The following CLTCL1 variants were observed in gnomAD, a reference collection of about 807,000 sequenced individuals.
CLTCL1 encodes clathrin heavy chain 2.
In CLTCL1, 159 loss-of-function variants were observed where a neutral mutation model predicts 190.0. The ratio of observed to expected loss-of-function variants is 0.84; its 90% CI spans 0.74 to 0.95. The LOEUF (loss-of-function observed/expected upper bound fraction) is 0.95. Ranked by LOEUF, CLTCL1 falls within the 40% of genes least tolerant of loss-of-function variation. The pLI is 0.00. For synonymous variants in CLTCL1, 752 were observed against 769.6 expected, an observed-to-expected ratio of 0.98 and a Z score of 0.38; for missense variants, 1,878 against 2,033.4, an observed-to-expected ratio of 0.92 and a Z score of 1.47.
chr22:19,229,793 G>A, intron 11 of CLTCL1, 45 bp downstream of exon 11: 1 of 1,546,366 alleles, frequency 6.5e-7, no homozygotes, highest in South Asian at 1.2e-5. Flanking sequence ...CCAGAGAGGT[G>A]CCACAGGTGC....
chr22:19,179,916 G>C lies in CLTCL1; in HGVS notation c.*74C>G. Reference sequence around the variant, plus strand: ...GTACATTGGAGGCTGGCGAAGTTGGGAGCAGAGGCATATCCATAGGGGAAG... The same window carrying C: ...GTACATTGGAGGCTGGCGAAGTTGGCAGCAGAGGCATATCCATAGGGGAAG... On this transcript the variant is annotated 3_prime_UTR_variant, in exon 33 of 33. Coordinates refer to ENST00000427926, the MANE Select transcript of CLTCL1 (RefSeq NM_007098.4). The C allele has an allele frequency of 2.0e-6, 1 of 487,870 alleles. No homozygotes were observed. The highest frequency in any genetic ancestry group is 3.7e-6 in the Non-Finnish European group (1 of 270,842). 30.2% of individuals were successfully genotyped at this position (487,870 alleles called of 1,614,324 possible).
At chr22:19,278,471 A>G (rs2087593751) in intron 1 of CLTCL1, among the ~76,000 whole-genome samples, 1 of 152,182 alleles carries the variant, frequency 6.6e-6, no homozygotes, top group Admixed American at 6.5e-5. Flanking sequence ...GCCCATGAAG[A>G]TGGACATAAT....
rs1292698788 is a variant in CLTCL1 at position 19,210,483 on chromosome 22, G to C, written c.3092C>G (p.Thr1031Ser). Residue 1031 changes from threonine (T) to serine (S), a missense_variant, in exon 20 of 33, where the codon ACT (threonine) becomes AGT (serine). By Grantham distance (58) the Thr-to-Ser change is moderately conservative. Coordinates refer to ENST00000427926, the MANE Select transcript of CLTCL1 (RefSeq NM_007098.4). ...HRNLQNLLIL[T>S]AIKADRTRVM... ...CCGTGTGCGGTCTGCCTTGATGGCAGTCAGGATCAACAGATTCTGTAGATT... is the reference window on the plus strand; with the variant it reads ...CCGTGTGCGGTCTGCCTTGATGGCACTCAGGATCAACAGATTCTGTAGATT... 5.0e-6 allele frequency: 8 copies of C among 1,613,806 alleles called. No homozygotes were observed. Among genetic ancestry groups the C allele is most frequent in the Non-Finnish European group, 6.8e-6 (8 of 1,179,870 alleles).
At chr22:19,191,111 A>G (rs1317402064) in intron 27 of CLTCL1, among the ~76,000 whole-genome samples, 193 bp downstream of exon 27, 1 of 152,242 alleles carries the variant, frequency 6.6e-6, no homozygotes, top group Non-Finnish European at 1.5e-5. Flanking sequence ...ACAGAATTTG[A>G]GAAGCACAAT....
intron 24 of CLTCL1, among the ~76,000 whole-genome samples, chr22:19,197,312 C>G (rs1174634548): frequency 6.6e-6 from 1 of 152,104 alleles, no homozygotes; most frequent in Non-Finnish European, 1.5e-5. Context: ...CCTCCACTCT[C>G]AGACTAACCT....
At position 19,275,697 on chromosome 22, in the gene CLTCL1, A is replaced by T. The variant is rs1555982875; in HGVS notation, c.176T>A (p.Met59Lys). ...QVTIIDMSDP[M>K]APIRRPISAE... Reference sequence around the variant, plus strand: ...AGAGATAGGCCGTCGGATCGGAGCCATTGGGTCACTCATGTCAATGATCGT... The same window carrying T: ...AGAGATAGGCCGTCGGATCGGAGCCTTTGGGTCACTCATGTCAATGATCGT... Residue 59 changes from methionine to lysine, a missense_variant, in exon 2 of 33, where the codon ATG becomes AAG. Coordinates refer to ENST00000427926, the MANE Select transcript of CLTCL1 (RefSeq NM_007098.4). 6.2e-7 allele frequency: 1 copy of T among 1,607,002 alleles called. No individual in the cohort carries two copies. The highest frequency in any genetic ancestry group is 1.1e-5 in the South Asian group (1 of 89,394).
At chr22:19,219,142 G>A (rs1390744541) in intron 18 of CLTCL1, among the ~76,000 whole-genome samples, 5 of 151,764 alleles carry the variant, frequency 3.3e-5, no homozygotes, top group Non-Finnish European at 2.9e-5. Context: ...GAGAAGGTTC[G>A]TAAGGACTAA....
At chr22:19,263,699 G>A (rs546648886) in intron 2 of CLTCL1, among the ~76,000 whole-genome samples, 5 of 152,254 alleles carry the variant, frequency 3.3e-5, no homozygotes, top group Admixed American at 6.5e-5. Flanking sequence ...GATTATAGGC[G>A]TGAGCCACTG....
rs574574544 is a variant in CLTCL1 at position 19,189,630 on chromosome 22, C to T, written c.4324-1539G>A. On this transcript the variant is annotated intron_variant, in intron 27 of 32. Coordinates refer to ENST00000427926, the MANE Select transcript of CLTCL1 (RefSeq NM_007098.4). ...TCTAATTCTAGTTCTCCTGCTGTTTCCCCCACATCTGCAGTGACTTTCTCC... is the reference window on the plus strand; with the variant it reads ...TCTAATTCTAGTTCTCCTGCTGTTTTCCCCACATCTGCAGTGACTTTCTCC... 3.3e-5 allele frequency among the ~76,000 whole-genome samples: 5 copies of T among 152,322 alleles called. No homozygotes were observed. In the East Asian group the frequency reaches 5.8e-4, roughly 18 times the overall value.
intron 1 of CLTCL1, among the ~76,000 whole-genome samples, chr22:19,282,328 C>CAA (rs1167712206): frequency 1.5e-5 from 2 of 133,168 alleles, no homozygotes; most frequent in Non-Finnish European, 1.6e-5. Flanking sequence ...GACTCCGTCT[C>CAA]AAAAAAAAAA....
chr22:19,193,150 T>C (rs766790759), intron 26 of CLTCL1, among the ~76,000 whole-genome samples: 16 of 152,224 alleles, frequency 1.1e-4, no homozygotes, highest in Non-Finnish European at 1.5e-4. Context: ...TCAGAGACTC[T>C]TGCAGGTATC....
intron 3 of CLTCL1, among the ~76,000 whole-genome samples, chr22:19,253,048 T>C (rs908132864): frequency 6.7e-6 from 1 of 149,880 alleles, no homozygotes; most frequent in African/African-American, 2.4e-5. Flanking sequence ...GACAAAAAGA[T>C]ACTGCTTTCA....
chr22:19,258,315 C>G, intron 2 of CLTCL1: 2 of 393,684 alleles, frequency 5.1e-6, no homozygotes, highest in South Asian at 4.4e-5. Flanking sequence ...CCTAGAGAAG[C>G]TGGACAGGTA....
intron 1 of CLTCL1, among the ~76,000 whole-genome samples, chr22:19,285,546 G>A (rs1169087707): frequency 6.6e-6 from 1 of 152,162 alleles, no homozygotes; most frequent in African/African-American, 2.4e-5. Flanking sequence ...TCAACTAGCT[G>A]GATTCTGGCC....
At chr22:19,184,516 G>A (rs1391166157) in intron 29 of CLTCL1, 3 of 455,940 alleles carry the variant, frequency 6.6e-6, no homozygotes, top group Non-Finnish European at 1.3e-5. Context: ...ATCGATCGCT[G>A]CCTCCTGACC....
chr22:19,237,254 C>A (rs1195778583), intron 5 of CLTCL1, among the ~76,000 whole-genome samples: 1 of 151,996 alleles, frequency 6.6e-6, no homozygotes, highest in Non-Finnish European at 1.5e-5. Flanking sequence ...GCAGGAAGAT[C>A]GCTCGAGGCC....
chr22:19,187,020 C>T (rs1555928645), intron 29 of CLTCL1, among the ~76,000 whole-genome samples: 1 of 151,154 alleles, frequency 6.6e-6, no homozygotes, highest in African/African-American at 2.4e-5. Context: ...CAGCCTCTGA[C>T]TCCTGAGCTC....
rs573203884 is a variant in CLTCL1 at position 19,183,381 on chromosome 22, G to A, written c.4827+9C>T. Reference sequence around the variant, plus strand: ...GGGGCCGGGGAGCTGCAGCCGGCCCGGCACCTACCTTGCTCAGGTACTCCC... The same window carrying A: ...GGGGCCGGGGAGCTGCAGCCGGCCCAGCACCTACCTTGCTCAGGTACTCCC... On this transcript the variant is annotated intron_variant, in intron 30 of 32. Coordinates refer to ENST00000427926, the MANE Select transcript of CLTCL1 (RefSeq NM_007098.4). 169 of 1,611,186 alleles carry A rather than the reference G, an allele frequency of 1.0e-4. 1 individual carries two copies. The highest frequency in any genetic ancestry group is 7.5e-4 in the South Asian group (68 of 90,816).
chr22:19,221,851 G>T, intron 16 of CLTCL1, 100 bp downstream of exon 16: 1 of 1,356,564 alleles, frequency 7.4e-7, no homozygotes, highest in Non-Finnish European at 1.0e-6. Context: ...ATGTGTACAT[G>T]AACGACCAGC....
Sources: allele counts gnomAD v4.1 joint callset (sites outside exome capture counted in the v4.1 genomes callset), GRCh38; gene constraint gnomAD v4.1.1; transcripts MANE v1.5; gene names NCBI Gene and HGNC (gene_info 2026-07-23, HGNC 2026-07-21).